The following NUDT5 variants were observed in gnomAD, a reference collection of about 807,000 sequenced individuals.
The protein encoded by NUDT5 is ADP-sugar pyrophosphatase.
NUDT5 carries 21 observed loss-of-function variants against 34.1 expected under a neutral mutation model. The ratio of observed to expected loss-of-function variants is 0.62; its 90% CI spans 0.44 to 0.89. NUDT5 has a LOEUF of 0.89. Ranked by LOEUF, NUDT5 falls within the 40% of genes least tolerant of loss-of-function variation. NUDT5 has a pLI of 0.00. For missense variants in NUDT5, 249 were observed against 274.8 expected (o/e 0.91, Z 0.66); for synonymous variants, 85 against 97.6 (o/e 0.87, Z 0.76).
chr10:12,169,025 A>C lies in NUDT5; in HGVS notation c.551-1214T>G, dbSNP rs185008790. Among the ~76,000 whole-genome samples the C allele has an allele frequency of 6.6e-5, 10 of 152,300 alleles. No individual in the cohort carries two copies. The highest frequency in any genetic ancestry group is 2.4e-4 in the African/African-American group (10 of 41,562). On this transcript the variant is annotated intron_variant, in intron 9 of 9. Coordinates refer to ENST00000491614, the MANE Select transcript of NUDT5 (RefSeq NM_014142.4). The surrounding 1 kb of genome is among the most constrained non-coding windows in gnomAD (Gnocchi z 4.8). ...TGATCAGCCTACCTCGGCCTCCCAA[A>C]GTGCTGGGATTACAGGCGTGAGCCA...
At chr10:12,167,971 A>T (rs777129971) in intron 9 of NUDT5, 160 bp from the exon 10 acceptor site, 38 of 1,328,388 alleles carry the variant, frequency 2.9e-5, no homozygotes, top group Non-Finnish European at 3.7e-5. Flanking sequence ...TAAAGAATAA[A>T]GACTATAAAG....
intron 1 of NUDT5, among the ~76,000 whole-genome samples, chr10:12,193,419 T>G (rs1047532940): frequency 6.6e-6 from 1 of 152,190 alleles, no homozygotes; most frequent in African/African-American, 2.4e-5. Context: ...ATTACTTCAT[T>G]AGGAATTGCA....
At position 12,171,625 on chromosome 10, in the gene NUDT5, GA is replaced by G. The variant is rs1298105416; in HGVS notation, c.488-718del. Among the ~76,000 whole-genome samples, 5 of 151,958 alleles carry G rather than the reference GA, an allele frequency of 3.3e-5. No individual in the cohort carries two copies. Among genetic ancestry groups the G allele is most frequent in the Non-Finnish European group, 7.4e-5 (5 of 68,002 alleles). ...ATAATTCTGTATCTAATATGCTGAG[GA>G]ACTGCCAAACTTTTCCACAGTGTCT... On this transcript the variant is annotated intron_variant, in intron 7 of 9. Coordinates refer to ENST00000491614, the MANE Select transcript of NUDT5 (RefSeq NM_014142.4). The surrounding 1 kb of genome is among the most constrained non-coding windows in gnomAD (Gnocchi z 4.2).
rs1269021016 is a variant in NUDT5 at position 12,175,210 on chromosome 10, C to T, written c.290-1397G>A. On this transcript the variant is annotated intron_variant, in intron 5 of 9. Coordinates refer to ENST00000491614, the MANE Select transcript of NUDT5 (RefSeq NM_014142.4). The surrounding 1 kb of genome is among the most constrained non-coding windows in gnomAD (Gnocchi z 4.8). Reference sequence around the variant, plus strand: ...GTGGTACGCACCTGTATTCCAGCTACGCGGGAGGCTGAGGCAGGAGAATCG... The same window carrying T: ...GTGGTACGCACCTGTATTCCAGCTATGCGGGAGGCTGAGGCAGGAGAATCG... Among the ~76,000 whole-genome samples, 4 of 151,964 alleles carry T rather than the reference C, an allele frequency of 2.6e-5. No homozygotes were observed. The highest frequency in any genetic ancestry group is 7.3e-5 in the African/African-American group (3 of 41,356).
At position 12,172,750 on chromosome 10, in the gene NUDT5, C is replaced by T. The variant is rs1409828427; in HGVS notation, c.487+15G>A. The T allele has an allele frequency of 6.3e-7, 1 of 1,592,066 alleles. No individual in the cohort carries two copies. The highest frequency in any genetic ancestry group is 1.3e-5 in the African/African-American group (1 of 74,596). On this transcript the variant is annotated intron_variant, in intron 7 of 9. Transcript: ENST00000491614. ...TGCAACCACACCACCTTCATCACAG[C>T]CGACACACACATACCTGGCTTTGGC... is the stretch of plus-strand genomic sequence containing the variant.
At chr10:12,191,419 A>C (rs1337278934) in intron 1 of NUDT5, among the ~76,000 whole-genome samples, 2 of 8,164 alleles carry the variant, frequency 2.4e-4, no homozygotes, top group Non-Finnish European at 3.3e-4. Flanking sequence ...AAAACCACAA[A>C]GGAAAAACCA....
intron 7 of NUDT5, chr10:12,172,510 T>A (rs1001071542): frequency 1.1e-5 from 6 of 530,778 alleles, no homozygotes; most frequent in Non-Finnish European, 2.0e-5. Context: ...TAAGTGGGAA[T>A]ACACTTCATA....
rs748337377 is a variant in NUDT5, at chr10:12,177,839, T to C, written c.243A>G (p.Lys81=). The C allele has an allele frequency of 6.2e-7, 1 of 1,613,954 alleles. No homozygotes were observed. The highest frequency in any genetic ancestry group is 8.5e-7 in the Non-Finnish European group (1 of 1,180,002). Residue 81 remains lysine (K), a synonymous_variant, in exon 5 of 10, where the codon AAA becomes AAG. Coordinates refer to ENST00000491614, the MANE Select transcript of NUDT5 (RefSeq NM_014142.4). ...AGCCCCCCATTGGTGGTCGGAACTG[T>C]TTCACCAGAACGATACACTCATAGT... The part of the protein sequence containing the change: ...TLHYECIVLV[K]QFRPPMGGYC...
rs1341280181 is a variant in NUDT5, at chr10:12,175,640, T to G, written c.290-1827A>C. Among the ~76,000 whole-genome samples the G allele has an allele frequency of 1.3e-5, 2 of 151,454 alleles. No homozygotes were observed. The highest frequency in any genetic ancestry group is 2.9e-5 in the Non-Finnish European group (2 of 67,860). ...ATGGGCAACAGAGCTAGACATAGTC[T>G]CAAAAAAAGAGCCCGGGCATGGCGG... is the stretch of plus-strand genomic sequence containing the variant. On this transcript the variant is annotated intron_variant, in intron 5 of 9. Transcript: ENST00000491614. This position sits in a 1 kb window ranked among gnomAD's most constrained non-coding sequence, Gnocchi z 4.8.
chr10:12,173,936 G>T lies in NUDT5; in HGVS notation c.290-123C>A, dbSNP rs550779994. 1.2e-3 allele frequency: 837 copies of T among 709,828 alleles called. 1 individual carries two copies. The highest frequency in any genetic ancestry group is 2.1e-3 in the South Asian group (137 of 64,832). The allele number at this position is 709,828 out of a possible 1,614,324, so 44.0% of individuals were successfully genotyped here. A position where few individuals can be genotyped will look rare whatever the true frequency, so the allele number is the denominator to read the frequency against. Reference sequence around the variant, plus strand: ...GGCTGGAGTGCAGTGGTGCGATCTCGGCCCACTGCAACCTCCGCCCGTCCA... The same window carrying T: ...GGCTGGAGTGCAGTGGTGCGATCTCTGCCCACTGCAACCTCCGCCCGTCCA... On this transcript the variant is annotated intron_variant, in intron 5 of 9. Coordinates refer to ENST00000491614, the MANE Select transcript of NUDT5 (RefSeq NM_014142.4). The surrounding 1 kb of genome is among the most constrained non-coding windows in gnomAD (Gnocchi z 4.7).
chr10:12,171,025 C>A lies in NUDT5; in HGVS notation c.488-117G>T. On this transcript the variant is annotated intron_variant, in intron 7 of 9. Transcript: ENST00000491614. The surrounding 1 kb of genome is among the most constrained non-coding windows in gnomAD (Gnocchi z 4.2). Reference sequence around the variant, plus strand: ...AATTTCACAGAAGCCTGGGTTTCTGCTAACTTAATTTATATACATTGTCAA... The same window carrying A: ...AATTTCACAGAAGCCTGGGTTTCTGATAACTTAATTTATATACATTGTCAA... 1 of 1,074,506 alleles carries A rather than the reference C, an allele frequency of 9.3e-7. No homozygotes were observed. The highest frequency in any genetic ancestry group is 1.4e-5 in the South Asian group (1 of 69,546). 66.6% of individuals were successfully genotyped at this position (1,074,506 alleles called of 1,614,324 possible). A position where few individuals can be genotyped will look rare whatever the true frequency, so the allele number is the denominator to read the frequency against.
chr10:12,193,227 A>G (rs1405410054), intron 1 of NUDT5, among the ~76,000 whole-genome samples: 2 of 152,204 alleles, frequency 1.3e-5, no homozygotes, highest in Non-Finnish European at 2.9e-5. Context: ...ATTTCCACGA[A>G]GACAGTTTTA....
Position 12,179,115 on chromosome 10 carries a change from T to C in NUDT5, c.149A>G (p.Lys50Arg). The change falls in exon 4 of 10, where the codon AAA becomes AGA. Residue 50 changes from lysine (K) to arginine (R), a missense_variant. Transcript: ENST00000491614. Reference sequence around the variant, plus strand: ...AGTCTGCTCTTTCCTGGTTGTACGTTTCACTGATTCCCAAGTTCTGTTCAG... The same window carrying C: ...AGTCTGCTCTTTCCTGGTTGTACGTCTCACTGATTCCCAAGTTCTGTTCAG... ...TGKTRTWESV[K>R]RTTRKEQTAD... is the part of the protein sequence containing the mutation. 1 of 1,614,126 alleles carries C rather than the reference T, an allele frequency of 6.2e-7. No individual in the cohort carries two copies. Among genetic ancestry groups the C allele is most frequent in the East Asian group, 2.2e-5 (1 of 44,882 alleles).
intron 2 of NUDT5, 138 bp downstream of exon 2, chr10:12,186,091 G>A: frequency 1.4e-6 from 1 of 690,164 alleles, no homozygotes; most frequent in Non-Finnish European, 2.5e-6. Flanking sequence ...ATGTGCCCGA[G>A]CCCAAAAAAG....
In NUDT5 at chr10:12,181,893, C is replaced by CT. The variant is rs1209292786; in HGVS notation, c.132-2762dup. 3.9e-5 allele frequency among the ~76,000 whole-genome samples: 6 copies of CT among 152,130 alleles called. No homozygotes were observed. Among genetic ancestry groups the CT allele is most frequent in the Non-Finnish European group, 8.8e-5 (6 of 68,032 alleles). ...GTGGCTCACGACTGTAGTCCTAGCA[C>CT]TTTGGGAGGCCAAGGTGGGTGGATC... is the stretch of plus-strand genomic sequence containing the variant. On this transcript the variant is annotated intron_variant, in intron 3 of 9. Coordinates refer to ENST00000491614, the MANE Select transcript of NUDT5 (RefSeq NM_014142.4). The surrounding 1 kb of genome is among the most constrained non-coding windows in gnomAD (Gnocchi z 5.0).
rs775639130 is a variant in NUDT5 at position 12,173,724 on chromosome 10, A to C, written c.379T>G (p.Ser127Ala). Reference protein sequence around the residue: ...TGYKGDIAECSPAVCMDPGLS... With the variant: ...TGYKGDIAECAPAVCMDPGLS... ...ATTTTCAAGCAATACCAACCTGGAG[A>C]ACATTCGGCAATGTCCCCTTTGTAG... Residue 127 changes from serine to alanine, a missense_variant, in exon 6 of 10, where the codon TCT becomes GCT. Ser to Ala is a moderately conservative substitution (Grantham distance 99, BLOSUM62 1). Coordinates refer to ENST00000491614, the MANE Select transcript of NUDT5 (RefSeq NM_014142.4). The surrounding 1 kb of genome is among the most constrained non-coding windows in gnomAD (Gnocchi z 4.7). 12 of 1,612,756 alleles carry C rather than the reference A, an allele frequency of 7.4e-6. No homozygotes were observed. In the South Asian group the frequency reaches 1.3e-4, roughly 18 times the overall value.
chr10:12,194,735 T>C (rs1327556365), intron 1 of NUDT5, among the ~76,000 whole-genome samples: 1 of 152,182 alleles, frequency 6.6e-6, no homozygotes, highest in East Asian at 1.9e-4. Flanking sequence ...CTGCAGTCGG[T>C]GGGGCTGTTT....
chr10:12,169,128 G>T lies in NUDT5; in HGVS notation c.551-1317C>A, dbSNP rs1430936297. ...CTCAAATGTTGCTGGTTGAATAAAC[G>T]GTTTGATTACTGTATTTTGATTCTG... On this transcript the variant is annotated intron_variant, in intron 9 of 9. Coordinates refer to ENST00000491614, the MANE Select transcript of NUDT5 (RefSeq NM_014142.4). The surrounding 1 kb of genome is among the most constrained non-coding windows in gnomAD (Gnocchi z 4.8). 4 of 564,576 alleles carry T rather than the reference G, an allele frequency of 7.1e-6. No homozygotes were observed. The highest frequency in any genetic ancestry group is 9.5e-6 in the Non-Finnish European group (3 of 316,338). The allele number at this position is 564,576 out of a possible 1,614,324, so 35.0% of individuals were successfully genotyped here. A position where few individuals can be genotyped will look rare whatever the true frequency, so the allele number is the denominator to read the frequency against.
At chr10:12,190,141 G>A (rs960472744) in intron 1 of NUDT5, among the ~76,000 whole-genome samples, 6 of 152,078 alleles carry the variant, frequency 3.9e-5, no homozygotes, top group African/African-American at 2.4e-5. Flanking sequence ...CACCCGCCTC[G>A]GCCTGCCAAA....
Sources: gnomAD v4.1 joint callset for allele counts (sites outside exome capture counted in the v4.1 genomes callset) on GRCh38, gnomAD v4.1.1 for gene constraint, Gnocchi (gnomAD v3.1) non-coding constraint, MANE v1.5 for transcripts, NCBI Gene and HGNC (gene_info 2026-07-23, HGNC 2026-07-21) for gene names.